Variants in KIAA1217 observed in about 807,000 individuals in gnomAD.
The protein encoded by KIAA1217 is KIAA1217.
Under a neutral mutation model 163.9 loss-of-function variants are expected in KIAA1217, and 88 were observed. The ratio of observed to expected loss-of-function variants is 0.54; its 90% CI spans 0.45 to 0.64. KIAA1217 has a LOEUF of 0.64. Ranked by LOEUF, KIAA1217 falls within the 30% of genes least tolerant of loss-of-function variation. The pLI is 0.00. For synonymous variants in KIAA1217, 903 were observed against 923.1 expected (o/e 0.98, Z 0.39); for missense variants, 2,372 against 2,475.0 (o/e 0.96, Z 0.88).
intron 1 of KIAA1217, among the ~76,000 whole-genome samples, chr10:23,772,926 C>G (rs546590999): frequency 6.6e-6 from 1 of 152,298 alleles, no homozygotes; most frequent in African/African-American, 2.4e-5. Context: ...TTGTCATTTC[C>G]TCATATTTTG....
intron 1 of KIAA1217, among the ~76,000 whole-genome samples, chr10:23,984,362 C>T (rs1435245182): frequency 6.6e-6 from 1 of 152,168 alleles, no homozygotes; most frequent in Non-Finnish European, 1.5e-5. Flanking sequence ...GCTGGCAGTA[C>T]CTTGTCAATT....
At chr10:24,139,176 T>A (rs11013915) in intron 2 of KIAA1217, among the ~76,000 whole-genome samples, 3,436 of 152,224 alleles carry the variant, frequency 0.023, 119 homozygotes, top group African/African-American at 0.074. Context: ...AGCTTAGGAA[T>A]TCCTTTAGAG....
chr10:24,265,396 A>G (rs2076140725), intron 2 of KIAA1217, among the ~76,000 whole-genome samples: 1 of 152,138 alleles, frequency 6.6e-6, no homozygotes, highest in Non-Finnish European at 1.5e-5. Flanking sequence ...TGTGACTTTC[A>G]TCCTCCTCTT....
At chr10:23,859,862 T>C (rs907544648) in intron 1 of KIAA1217, among the ~76,000 whole-genome samples, 3 of 152,092 alleles carry the variant, frequency 2.0e-5, no homozygotes, top group Non-Finnish European at 4.4e-5. Flanking sequence ...TTTTTTTTTT[T>C]CTTGGCAGCC....
intron 2 of KIAA1217, among the ~76,000 whole-genome samples, chr10:24,369,864 A>G (rs926462002): frequency 6.6e-6 from 1 of 152,254 alleles, no homozygotes; most frequent in African/African-American, 2.4e-5. Flanking sequence ...TGGCAGCCAA[A>G]GCCTGTTCAA....
intron 2 of KIAA1217, 32 bp from the exon 3 acceptor site, chr10:24,380,836 AT>A: frequency 1.4e-6 from 2 of 1,452,024 alleles, no homozygotes; most frequent in Non-Finnish European, 1.8e-6. Context: ...ATAATAGTCT[AT>A]TTTCCCACTT....
chr10:24,456,023 C>T (rs2061752601), intron 5 of KIAA1217, among the ~76,000 whole-genome samples: 1 of 152,070 alleles, frequency 6.6e-6, no homozygotes, highest in South Asian at 2.1e-4. Context: ...GTTGCTGGGA[C>T]TAAAGGCGTA....
chr10:24,507,054 G>C (rs1592506231), intron 9 of KIAA1217, among the ~76,000 whole-genome samples: 1 of 152,360 alleles, frequency 6.6e-6, no homozygotes. Context: ...AAGAGGCCTT[G>C]TTGAGCACCT....
chr10:24,377,219 C>T (rs182222574), intron 2 of KIAA1217, among the ~76,000 whole-genome samples: 10 of 152,164 alleles, frequency 6.6e-5, no homozygotes, highest in Admixed American at 3.3e-4. Context: ...TTTGGGTTTG[C>T]GGGTTTGGGG....
chr10:23,939,366 A>G (rs1027109737), intron 1 of KIAA1217, among the ~76,000 whole-genome samples: 2 of 152,168 alleles, frequency 1.3e-5, no homozygotes, highest in Non-Finnish European at 2.9e-5. Flanking sequence ...GCATACTTCA[A>G]ATTTAAAGAT....
At chr10:24,376,337 A>G (rs7083113) in intron 2 of KIAA1217, among the ~76,000 whole-genome samples, 49,899 of 152,070 alleles carry the variant, frequency 0.33, 9,152 homozygotes, top group African/African-American at 0.5. Context: ...TTGGTCCTGC[A>G]AGGGATCTGA....
chr10:24,169,474 G>T (rs1452488439), intron 2 of KIAA1217, among the ~76,000 whole-genome samples: 2 of 140,268 alleles, frequency 1.4e-5, no homozygotes, highest in African/African-American at 5.3e-5. Context: ...GTTTACCATT[G>T]TCTTCACCAC....
At chr10:23,790,312 T>C (rs1453592678) in intron 1 of KIAA1217, among the ~76,000 whole-genome samples, 25 of 88,432 alleles carry the variant, frequency 2.8e-4, no homozygotes, top group Middle Eastern at 6.3e-3. Context: ...TATGCATATA[T>C]ACATATGCAC....
chr10:24,360,963 C>T (rs752974660), intron 2 of KIAA1217, among the ~76,000 whole-genome samples: 9 of 150,792 alleles, frequency 6.0e-5, no homozygotes, highest in Non-Finnish European at 1.2e-4. Flanking sequence ...TGCTACATCT[C>T]GGGAGTTTTT....
At chr10:24,056,217 G>T (rs2060526138) in intron 2 of KIAA1217, among the ~76,000 whole-genome samples, 1 of 152,066 alleles carries the variant, frequency 6.6e-6, no homozygotes, top group Admixed American at 6.6e-5. Context: ...AGTTCCAGAT[G>T]CTTGGGGGTC....
intron 2 of KIAA1217, among the ~76,000 whole-genome samples, chr10:24,011,538 C>T (rs1847236493): frequency 1.3e-5 from 2 of 151,992 alleles, no homozygotes; most frequent in South Asian, 2.1e-4. Flanking sequence ...GAAAGAGTCT[C>T]CTAACATCCT....
At chr10:23,704,172 GTATATATATA>G (rs35533445) in intron 1 of KIAA1217, among the ~76,000 whole-genome samples, 485 of 39,956 alleles carry the variant, frequency 0.012, 11 homozygotes, top group African/African-American at 0.039. Context: ...GTGTGTGTGT[GTATATATATA>G]TATATATATA....
rs117330905 is a variant in KIAA1217, at chr10:23,745,001, C to T, written c.-321+49767C>T. Among the ~76,000 whole-genome samples the T allele has an allele frequency of 2.6e-4, 39 of 152,102 alleles. No homozygotes were observed. In the East Asian group the frequency reaches 6.4e-3, roughly 25 times the overall value. ...TTCACTGATTTAAATATTAGGATCA[C>T]CCAAAAAAAATCCTTCACAGAAACT... is the stretch of plus-strand genomic sequence containing the variant. On this transcript the variant is annotated intron_variant, in intron 1 of 18. Coordinates refer to the KIAA1217 transcript ENST00000376462.
chr10:24,219,995 A>G, intron 2 of KIAA1217, 86 bp downstream of exon 2: 1 of 1,387,666 alleles, frequency 7.2e-7, no homozygotes, highest in Non-Finnish European at 9.7e-7. Context: ...TGTAAAAGGT[A>G]AAGGATAGCT....
Sources: allele counts gnomAD v4.1 joint callset (sites outside exome capture counted in the v4.1 genomes callset), GRCh38; gene constraint gnomAD v4.1.1; transcripts MANE v1.5; gene names NCBI Gene and HGNC (gene_info 2026-07-23, HGNC 2026-07-21).